Variants in IGSF10 observed in about 807,000 individuals in gnomAD.
IGSF10 encodes calvaria mechanical force protein 608.
IGSF10 carries 126 observed loss-of-function variants against 128.2 expected under a neutral mutation model. The observed-to-expected ratio is 0.98, with a 90% CI of 0.85 to 1.14. The LOEUF (loss-of-function observed/expected upper bound fraction) is 1.14, where lower values mean the gene tolerates loss of function less well. Ranked by LOEUF, IGSF10 falls within the 50% of genes most tolerant of loss-of-function variation. The probability of loss-of-function intolerance (pLI) is 0.00; values close to 1 mark genes in which losing one functional copy is unlikely to be tolerated. For synonymous variants in IGSF10, 1,185 were observed against 1,146.2 expected (o/e 1.03, Z -0.68); for missense variants, 3,295 against 3,149.8 (o/e 1.05, Z -1.10).
chr3:151,447,202 T>C lies in IGSF10; in HGVS notation c.2779A>G (p.Met927Val), dbSNP rs762771084. The change falls in exon 6 of 8, where the codon ATG (methionine) becomes GTG (valine). Residue 927 changes from methionine to valine, a missense_variant. Met to Val is a conservative substitution (Grantham distance 21). Coordinates refer to ENST00000282466, the MANE Select transcript of IGSF10 (RefSeq NM_178822.5). Reference sequence around the variant, plus strand: ...ATTTTGACATTGACATCTTTGATCATAGTCCTTACTGTTATTGGGGGTCTA... The same window carrying C: ...ATTTTGACATTGACATCTTTGATCACAGTCCTTACTGTTATTGGGGGTCTA... ...QSRPPITVRT[M>V]IKDVNVKMLS... 86 of 1,614,230 alleles carry C rather than the reference T, an allele frequency of 5.3e-5. 3 individuals carry two copies. In the South Asian group the frequency reaches 9.2e-4, roughly 17 times the overall value.
the IGSF10 span, among the ~76,000 whole-genome samples, chr3:151,535,701 T>G: frequency 6.6e-6 from 1 of 152,198 alleles, no homozygotes. Flanking sequence ...TTACAAATAG[T>G]GCAAGTCAGG....
At chr3:151,538,612 A>T in the IGSF10 span, among the ~76,000 whole-genome samples, 1 of 152,170 alleles carries the variant, frequency 6.6e-6, no homozygotes, top group Non-Finnish European at 1.5e-5. Flanking sequence ...CAAGACTTTG[A>T]TGCTGTTTTT....
chr3:151,464,997 T>C (rs1722231153), upstream of IGSF10, among the ~76,000 whole-genome samples: 1 of 152,298 alleles, frequency 6.6e-6, no homozygotes, highest in Non-Finnish European at 1.5e-5. Flanking sequence ...TTTTGGAAGA[T>C]GTGGAGAAAA....
chr3:151,589,655 A>T, the IGSF10 span, among the ~76,000 whole-genome samples: 1 of 152,150 alleles, frequency 6.6e-6, no homozygotes, highest in African/African-American at 2.4e-5. Flanking sequence ...AAATATTACA[A>T]AATTTTTCAC....
At chr3:151,501,527 T>A in the IGSF10 span, among the ~76,000 whole-genome samples, 3 of 152,098 alleles carry the variant, frequency 2.0e-5, no homozygotes, top group African/African-American at 7.2e-5. Context: ...CATCAGTATA[T>A]GGATTCCTTC....
chr3:151,441,464 T>C (rs756106003), intron 7 of IGSF10, among the ~76,000 whole-genome samples: 4 of 152,196 alleles, frequency 2.6e-5, no homozygotes, highest in Admixed American at 6.5e-5. Context: ...GAATTAACAT[T>C]TACTTTTGAA....
chr3:151,599,110 G>C, the IGSF10 span, among the ~76,000 whole-genome samples: 6 of 152,322 alleles, frequency 3.9e-5, no homozygotes, highest in South Asian at 4.1e-4. Flanking sequence ...GTGCTGAGCA[G>C]TTTGCTGGCT....
At chr3:151,515,674 C>CA in the IGSF10 span, among the ~76,000 whole-genome samples, 1 of 149,222 alleles carries the variant, frequency 6.7e-6, no homozygotes, top group African/African-American at 2.5e-5. Context: ...ATAAAATGAC[C>CA]AAAAAATATA....
chr3:151,479,897 A>G, the IGSF10 span, among the ~76,000 whole-genome samples: 6 of 152,186 alleles, frequency 3.9e-5, no homozygotes, highest in African/African-American at 9.7e-5. Context: ...GAAACTTATT[A>G]TCATGAAGAG....
the IGSF10 span, among the ~76,000 whole-genome samples, chr3:151,492,284 G>C: frequency 2.0e-5 from 3 of 152,084 alleles, no homozygotes; most frequent in South Asian, 6.2e-4. Flanking sequence ...AATGAGGAGG[G>C]AAATGCAAAT....
At chr3:151,499,374 CAAT>C in the IGSF10 span, among the ~76,000 whole-genome samples, 1 of 152,040 alleles carries the variant, frequency 6.6e-6, no homozygotes, top group East Asian at 1.9e-4. Flanking sequence ...TTGTTTTCTG[CAAT>C]AAAAAACACG....
chr3:151,432,593 A>G (rs113013747), downstream of IGSF10: 3,595 of 558,730 alleles, frequency 6.4e-3, 20 homozygotes, highest in South Asian at 0.011. Flanking sequence ...TGGTACTTGA[A>G]TCCCACCACA....
Position 151,437,633 on chromosome 3 carries a change from C to T in IGSF10, c.6928G>A (p.Asp2310Asn), listed in dbSNP as rs777297326. Residue 2310 changes from aspartate (D) to asparagine (N), a missense_variant, in exon 8 of 8, where the codon GAC becomes AAC. Asp to Asn is a conservative substitution (Grantham distance 23, BLOSUM62 1). Coordinates refer to ENST00000282466, the MANE Select transcript of IGSF10 (RefSeq NM_178822.5). ...TCATTTCGGGCCACACAGATAAAGT[C>T]GGCTGAATCTGAAAGCCTCACATTC... The part of the protein sequence containing the change: ...IRNVRLSDSA[D>N]FICVARNEGG... 15 of 1,614,172 alleles carry T rather than the reference C, an allele frequency of 9.3e-6. No homozygotes were observed. The highest frequency in any genetic ancestry group is 4.5e-5 in the East Asian group (2 of 44,884).
At chr3:151,501,827 C>T in the IGSF10 span, among the ~76,000 whole-genome samples, 120,929 of 152,010 alleles carry the variant, frequency 0.8, 48,234 homozygotes, top group Middle Eastern at 0.9. Flanking sequence ...ATTGTTTATA[C>T]AATATCAACA....
upstream of IGSF10, among the ~76,000 whole-genome samples, chr3:151,462,018 T>A (rs1722080587): frequency 6.6e-6 from 1 of 152,108 alleles, no homozygotes; most frequent in Admixed American, 6.5e-5. Flanking sequence ...CTATTTCTGC[T>A]TGGATTACAT....
the IGSF10 span, among the ~76,000 whole-genome samples, chr3:151,534,661 G>C: frequency 6.6e-6 from 1 of 151,692 alleles, no homozygotes; most frequent in East Asian, 1.9e-4. Context: ...TCATGGGGTG[G>C]GGAGCTGGGG....
chr3:151,559,082 G>A, the IGSF10 span, among the ~76,000 whole-genome samples: 1 of 152,152 alleles, frequency 6.6e-6, no homozygotes, highest in Non-Finnish European at 1.5e-5. Context: ...AGATTTAGAT[G>A]ATTTAACTTC....
chr3:151,540,779 T>C, the IGSF10 span, among the ~76,000 whole-genome samples: 1 of 152,164 alleles, frequency 6.6e-6, no homozygotes, highest in Non-Finnish European at 1.5e-5. Context: ...TTGCTTTACA[T>C]CCTCACAAGC....
At chr3:151,548,646 G>A in the IGSF10 span, among the ~76,000 whole-genome samples, 1 of 152,130 alleles carries the variant, frequency 6.6e-6, no homozygotes, top group Non-Finnish European at 1.5e-5. Context: ...CTCATTGTAA[G>A]TCAACCCTTT....
Sources: allele counts gnomAD v4.1 joint callset (sites outside exome capture counted in the v4.1 genomes callset), GRCh38; gene constraint gnomAD v4.1.1; transcripts MANE v1.5; gene names NCBI Gene and HGNC (gene_info 2026-07-23, HGNC 2026-07-21).